The following OLFM2 variants were observed in gnomAD, a reference collection of about 807,000 sequenced individuals.
The protein encoded by OLFM2 is noelin-2.
In OLFM2, 20 loss-of-function variants were observed where a neutral mutation model predicts 43.9. That is an observed-to-expected ratio of 0.46 (90% CI 0.32 to 0.66). The LOEUF (loss-of-function observed/expected upper bound fraction) is 0.66, where lower values mean the gene tolerates loss of function less well. OLFM2 is among the 30% of genes least tolerant of loss of function. The pLI is 0.04. For missense variants in OLFM2, 416 were observed against 643.6 expected (o/e 0.65, Z 3.83); for synonymous variants, 268 against 278.6 (o/e 0.96, Z 0.38).
intron 1 of OLFM2, among the ~76,000 whole-genome samples, chr19:9,916,066 A>G (rs1301245816): frequency 1.3e-5 from 2 of 151,894 alleles, no homozygotes; most frequent in Non-Finnish European, 2.9e-5. Flanking sequence ...CATTGTTGTT[A>G]TTATTTGAGG....
intron 1 of OLFM2, among the ~76,000 whole-genome samples, chr19:9,919,734 G>A (rs529222611): frequency 3.1e-4 from 47 of 150,902 alleles, no homozygotes; most frequent in South Asian, 1.1e-3. Context: ...CTCCTGCCTC[G>A]GCCTCCCAAA....
At chr19:9,890,415 G>A (rs1317600903) in intron 1 of OLFM2, among the ~76,000 whole-genome samples, 1 of 152,216 alleles carries the variant, frequency 6.6e-6, no homozygotes. Context: ...CTCAAGGAAG[G>A]AAACAGGTCA....
intron 1 of OLFM2, among the ~76,000 whole-genome samples, chr19:9,928,257 C>T (rs1349926184): frequency 6.6e-6 from 1 of 151,936 alleles, no homozygotes; most frequent in East Asian, 1.9e-4. Flanking sequence ...CCCGGCTCAC[C>T]ATGTGCTCAT....
intron 1 of OLFM2, among the ~76,000 whole-genome samples, chr19:9,868,396 A>G (rs1568370041): frequency 6.6e-6 from 1 of 152,108 alleles, no homozygotes; most frequent in South Asian, 2.1e-4. Context: ...TTGTAGAAAC[A>G]GGGACTAGCT....
chr19:9,879,781 C>CTCTTT (rs56914052), intron 1 of OLFM2, among the ~76,000 whole-genome samples: 14 of 151,790 alleles, frequency 9.2e-5, no homozygotes, highest in South Asian at 6.2e-4. Flanking sequence ...GTCTTGAACT[C>CTCTTT]TTTTTTGTCT....
Position 9,871,078 on chromosome 19 carries a change from T to C in OLFM2, c.64-10284A>G, listed in dbSNP as rs541916795. On this transcript the variant is annotated intron_variant, in intron 1 of 5. Coordinates refer to ENST00000264833, the MANE Select transcript of OLFM2 (RefSeq NM_058164.4). ...CTAGGTCAGGAGTTCGAGACCAGCC[T>C]GGCCAACATGGTGAAACCCCATCTC... 1.4e-3 allele frequency among the ~76,000 whole-genome samples: 212 copies of C among 151,896 alleles called. 1 individual carries two copies. The highest frequency in any genetic ancestry group is 2.6e-3 in the Non-Finnish European group (178 of 67,932).
intron 1 of OLFM2, among the ~76,000 whole-genome samples, chr19:9,882,745 A>G (rs1017104385): frequency 2.6e-5 from 4 of 151,370 alleles, no homozygotes; most frequent in Admixed American, 6.6e-5. Flanking sequence ...CGCTGTGTCT[A>G]CAAAAAATTA....
Position 9,857,642 on chromosome 19 carries a change from C to T in OLFM2, c.360+73G>A, listed in dbSNP as rs114342303. On this transcript the variant is annotated intron_variant, in intron 3 of 5. Transcript: ENST00000264833. The surrounding 1 kb of genome is among the most constrained non-coding windows in gnomAD (Gnocchi z 5.7). ...CCCTAGATTCTTCCCAGACATGACTCCATTGTAGGAACTAATGGATACCAA... is the reference window on the plus strand; with the variant it reads ...CCCTAGATTCTTCCCAGACATGACTTCATTGTAGGAACTAATGGATACCAA... 1.1e-3 allele frequency: 1,742 copies of T among 1,604,852 alleles called. 14 individuals are homozygous for T. In the African/African-American group the frequency reaches 0.021, roughly 19 times the overall value.
chr19:9,930,390 C>T (rs2145011590), intron 1 of OLFM2, among the ~76,000 whole-genome samples: 2 of 152,106 alleles, frequency 1.3e-5, no homozygotes, highest in East Asian at 3.9e-4. Context: ...GGGGGGCATA[C>T]CCTTAAATTT....
rs894794870 is a variant in OLFM2, at chr19:9,856,960, CAA to C, written c.581-49_581-48del. On this transcript the variant is annotated intron_variant, in intron 4 of 5. Coordinates refer to ENST00000264833, the MANE Select transcript of OLFM2 (RefSeq NM_058164.4). This position sits in a 1 kb window ranked among gnomAD's most constrained non-coding sequence, Gnocchi z 4.0. The stretch of plus-strand genomic sequence containing the variant: ...AATGAGGATGGGGAAATGAACAGCC[CAA>C]GAGAGGCCAGGCAAAGATGAAGTGC... 7.0e-7 allele frequency: 1 copy of C among 1,427,548 alleles called. No homozygotes were observed. The highest frequency in any genetic ancestry group is 1.4e-5 in the African/African-American group (1 of 71,000). 88.4% of individuals were successfully genotyped at this position (1,427,548 alleles called of 1,614,324 possible).
chr19:9,892,389 T>C lies in OLFM2; in HGVS notation c.64-31595A>G, dbSNP rs547152475. ...CTCATGGGCCTGACCTGGCTCAACC[T>C]TGGATCCTAGGATGACCTGGCATTG... is the stretch of plus-strand genomic sequence containing the variant. On this transcript the variant is annotated intron_variant, in intron 1 of 5. Coordinates refer to ENST00000264833, the MANE Select transcript of OLFM2 (RefSeq NM_058164.4). Among the ~76,000 whole-genome samples the C allele has an allele frequency of 2.6e-5, 4 of 152,122 alleles. No homozygotes were observed. In the South Asian group the frequency reaches 6.2e-4, roughly 24 times the overall value.
At chr19:9,866,796 G>A (rs1179319387) in intron 1 of OLFM2, among the ~76,000 whole-genome samples, 3 of 152,088 alleles carry the variant, frequency 2.0e-5, no homozygotes, top group Non-Finnish European at 4.4e-5. Flanking sequence ...CGACGGCCCT[G>A]CCAACCCACT....
At chr19:9,913,718 G>A in intron 1 of OLFM2, 2 of 1,056,306 alleles carry the variant, frequency 1.9e-6, no homozygotes, top group Non-Finnish European at 2.3e-6. Flanking sequence ...CCGGGGGGGC[G>A]TGGGGGAGGG....
intron 1 of OLFM2, among the ~76,000 whole-genome samples, chr19:9,918,264 C>T (rs950883407): frequency 6.6e-6 from 1 of 152,072 alleles, no homozygotes; most frequent in African/African-American, 2.4e-5. Flanking sequence ...AATCATAGCT[C>T]ACTGCAACCT....
intron 1 of OLFM2, among the ~76,000 whole-genome samples, chr19:9,882,075 C>T (rs539896888): frequency 1.3e-5 from 2 of 151,532 alleles, no homozygotes; most frequent in African/African-American, 4.8e-5. Flanking sequence ...CTCATCTCTA[C>T]AAAAAATACA....
At chr19:9,877,741 T>C (rs1360722150) in intron 1 of OLFM2, among the ~76,000 whole-genome samples, 1 of 152,198 alleles carries the variant, frequency 6.6e-6, no homozygotes, top group Non-Finnish European at 1.5e-5. Context: ...TGTGTCACTT[T>C]TGCCTTCAGC....
At position 9,856,518 on chromosome 19, in the gene OLFM2, G is replaced by C. The variant is rs1361957933; in HGVS notation, c.687+289C>G. ...GTCTCTTGTCCTTGGGAGGGCATTG[G>C]TCATTGGGTAGTTACTTGGACGTCA... is the stretch of plus-strand genomic sequence containing the variant. On this transcript the variant is annotated intron_variant, in intron 5 of 5. Transcript: ENST00000264833. The surrounding 1 kb of genome is among the most constrained non-coding windows in gnomAD (Gnocchi z 4.0). 1.3e-5 allele frequency among the ~76,000 whole-genome samples: 2 copies of C among 152,202 alleles called. No homozygotes were observed.
intron 1 of OLFM2, among the ~76,000 whole-genome samples, chr19:9,876,977 C>G (rs532398908): frequency 6.6e-6 from 1 of 152,154 alleles, no homozygotes; most frequent in East Asian, 1.9e-4. Flanking sequence ...CACCTGTAAT[C>G]CCAACACTTT....
intron 1 of OLFM2, among the ~76,000 whole-genome samples, chr19:9,866,210 G>C (rs556741378): frequency 6.6e-6 from 1 of 152,292 alleles, no homozygotes; most frequent in East Asian, 1.9e-4. Context: ...CCTGAGTTTT[G>C]CCCATTGGGT....
Sources: allele counts gnomAD v4.1 joint callset (sites outside exome capture counted in the v4.1 genomes callset), GRCh38; gene constraint gnomAD v4.1.1; non-coding constraint Gnocchi (gnomAD v3.1); transcripts MANE v1.5; gene names NCBI Gene and HGNC (gene_info 2026-07-23, HGNC 2026-07-21).